Variants in PLCE1 observed in about 807,000 individuals in gnomAD.
The protein encoded by PLCE1 is 1-phosphatidylinositol 4,5-bisphosphate phosphodiesterase epsilon-1.
Under a neutral mutation model 242.8 loss-of-function variants are expected in PLCE1, and 119 were observed. That is an observed-to-expected ratio of 0.49 (90% CI 0.42 to 0.57). The LOEUF (loss-of-function observed/expected upper bound fraction) is 0.57, where lower values mean the gene tolerates loss of function less well. PLCE1 is among the 20% of genes least tolerant of loss of function. The pLI is 0.00. For missense variants in PLCE1, 2,441 were observed against 2,788.8 expected (o/e 0.88, Z 2.81); for synonymous variants, 945 against 1,017.4 (o/e 0.93, Z 1.35).
In PLCE1 at chr10:94,062,134, T is replaced by C. The variant is rs563046852; in HGVS notation, c.1206+29882T>C. 2.6e-5 allele frequency among the ~76,000 whole-genome samples: 4 copies of C among 152,364 alleles called. No homozygotes were observed. In the East Asian group the frequency reaches 7.7e-4, roughly 29 times the overall value. ...ACTAGATATGAGTTAGCTACTATTA[T>C]TTTGATAGGTTGGTGGTTAAAACTG... is the stretch of plus-strand genomic sequence containing the variant. On this transcript the variant is annotated intron_variant, in intron 2 of 32. Transcript: ENST00000371380.
At chr10:94,089,488 T>C in intron 2 of PLCE1, 1 of 701,388 alleles carries the variant, frequency 1.4e-6, no homozygotes, top group Non-Finnish European at 2.2e-6. Flanking sequence ...ACAATTCCTC[T>C]GAGACATTTT....
intron 2 of PLCE1, among the ~76,000 whole-genome samples, chr10:94,050,657 A>G (rs2043738011): frequency 3.9e-5 from 6 of 152,184 alleles, no homozygotes; most frequent in Admixed American, 3.9e-4. Flanking sequence ...TTATGAGTTG[A>G]ACTATAAGTG....
intron 3 of PLCE1, among the ~76,000 whole-genome samples, chr10:94,156,843 G>C (rs984595202): frequency 6.6e-6 from 1 of 152,078 alleles, no homozygotes; most frequent in African/African-American, 2.4e-5. Flanking sequence ...AACTCCAAGA[G>C]ATTTAGGACC....
intron 24 of PLCE1, 132 bp from the exon 25 acceptor site, chr10:94,304,350 T>C: frequency 1.2e-6 from 1 of 828,172 alleles, no homozygotes; most frequent in South Asian, 1.4e-5. Flanking sequence ...GACGAATGGG[T>C]GATTATCTCT....
At chr10:94,300,689 C>T (rs2053003046) in intron 24 of PLCE1, among the ~76,000 whole-genome samples, 2 of 152,206 alleles carry the variant, frequency 1.3e-5, no homozygotes, top group Admixed American at 1.3e-4. Flanking sequence ...GTCAGCCCCA[C>T]TGCAATATGA....
chr10:94,102,677 G>T (rs761018527), intron 2 of PLCE1, among the ~76,000 whole-genome samples: 23 of 152,136 alleles, frequency 1.5e-4, no homozygotes, highest in Non-Finnish European at 3.2e-4. Context: ...TCATGCCAGC[G>T]CCTCTCCCAT....
At chr10:94,080,926 T>C (rs1312295350) in intron 2 of PLCE1, among the ~76,000 whole-genome samples, 2 of 152,194 alleles carry the variant, frequency 1.3e-5, no homozygotes, top group Non-Finnish European at 2.9e-5. Flanking sequence ...ACAGAAACAG[T>C]TGAAGCTCCT....
intron 5 of PLCE1, among the ~76,000 whole-genome samples, chr10:94,230,609 G>A (rs2050110796): frequency 7.1e-6 from 1 of 141,190 alleles, no homozygotes; most frequent in Non-Finnish European, 1.6e-5. Flanking sequence ...ACAGGCATGA[G>A]GTAAAAAACA....
chr10:94,164,258 G>C (rs534515321), intron 3 of PLCE1, among the ~76,000 whole-genome samples: 2 of 152,138 alleles, frequency 1.3e-5, no homozygotes, highest in African/African-American at 4.8e-5. Context: ...TTCCAGCTTG[G>C]TTCCATTCTC....
intron 2 of PLCE1, among the ~76,000 whole-genome samples, chr10:94,065,538 A>G (rs113597131): frequency 5.3e-5 from 8 of 152,188 alleles, no homozygotes; most frequent in African/African-American, 1.9e-4. Flanking sequence ...GTTGTACTTT[A>G]GTCAGATCGC....
At chr10:94,028,736 C>A (rs1206040847) in intron 1 of PLCE1, among the ~76,000 whole-genome samples, 2 of 151,972 alleles carry the variant, frequency 1.3e-5, no homozygotes, top group Non-Finnish European at 2.9e-5. Flanking sequence ...ATCGCTTGAG[C>A]CCAGAAATTC....
chr10:94,000,792 G>C (rs2060916822), intron 1 of PLCE1, among the ~76,000 whole-genome samples: 1 of 152,154 alleles, frequency 6.6e-6, no homozygotes, highest in Non-Finnish European at 1.5e-5. Flanking sequence ...GCCTCTCATG[G>C]GTGCAGCAGC....
intron 4 of PLCE1, among the ~76,000 whole-genome samples, chr10:94,207,110 A>G (rs2049179835): frequency 6.6e-6 from 1 of 152,212 alleles, no homozygotes; most frequent in Admixed American, 6.5e-5. Context: ...CCCATCTTCC[A>G]TTCCCTCTTC....
intron 4 of PLCE1, among the ~76,000 whole-genome samples, chr10:94,212,736 A>G (rs1221017411): frequency 3.3e-5 from 5 of 152,214 alleles, no homozygotes; most frequent in Non-Finnish European, 4.4e-5. Context: ...TCTGGGTAGA[A>G]CATGTGCCCT....
At chr10:94,048,439 C>T (rs1373051001) in intron 2 of PLCE1, among the ~76,000 whole-genome samples, 1 of 151,988 alleles carries the variant, frequency 6.6e-6, no homozygotes, top group East Asian at 1.9e-4. Context: ...TCTACACTCT[C>T]TCTAATACTT....
intron 2 of PLCE1, among the ~76,000 whole-genome samples, chr10:94,077,858 A>G (rs1483612589): frequency 6.6e-6 from 1 of 152,264 alleles, no homozygotes; most frequent in Non-Finnish European, 1.5e-5. Context: ...AGATAAAGAT[A>G]CAAAATTAAA....
intron 27 of PLCE1, among the ~76,000 whole-genome samples, chr10:94,310,452 C>G (rs2053352522): frequency 1.3e-5 from 2 of 152,202 alleles, no homozygotes; most frequent in South Asian, 4.1e-4. Flanking sequence ...ACCAGAGTCT[C>G]TGCAGGTGGG....
intron 24 of PLCE1, among the ~76,000 whole-genome samples, chr10:94,304,013 A>G (rs1276856877): frequency 6.6e-6 from 1 of 152,222 alleles, no homozygotes; most frequent in African/African-American, 2.4e-5. Flanking sequence ...CAGGGGAAAA[A>G]AAAAGAAAAA....
In PLCE1 at chr10:94,246,363, G is replaced by A; in HGVS notation, c.2838G>A (p.Met946Ile). The change falls in exon 8 of 33, where the codon ATG (methionine) becomes ATA (isoleucine). Residue 946 changes from methionine to isoleucine, a missense_variant. Around this residue, in one of 5 missense-constraint regions of PLCE1, gnomAD observed 733 missense variants for 754.2 expected, o/e 0.97. Coordinates refer to ENST00000371380, the MANE Select transcript of PLCE1 (RefSeq NM_016341.4). ...LDLFAVKAVY[M>I]GHPGIDIHTV... ...TTTTTGCAGTGAAGGCTGTATACAT[G>A]GGCCACCCTGGCATTGATATACACA... 1 of 1,614,138 alleles carries A rather than the reference G, an allele frequency of 6.2e-7. No homozygotes were observed. Among genetic ancestry groups the A allele is most frequent in the South Asian group, 1.1e-5 (1 of 91,074 alleles).
Sources: allele counts gnomAD v4.1 joint callset (sites outside exome capture counted in the v4.1 genomes callset), GRCh38; gene constraint gnomAD v4.1.1; regional missense constraint gnomAD v4.1.1; transcripts MANE v1.5; gene names NCBI Gene and HGNC (gene_info 2026-07-23, HGNC 2026-07-21).